ZBTB7A: variants seen among roughly 807,000 people sequenced by gnomAD.
The protein encoded by ZBTB7A is zinc finger and BTB domain-containing protein 7A.
A neutral mutation model predicts 26.7 loss-of-function variants in ZBTB7A; 7 were observed. The observed-to-expected ratio is 0.26, with a 90% CI of 0.15 to 0.49. The LOEUF is 0.49. Ranked by LOEUF, ZBTB7A falls within the 20% of genes least tolerant of loss-of-function variation. ZBTB7A has a pLI of 0.98. For missense variants in ZBTB7A, 617 were observed against 919.5 expected (o/e 0.67, Z 4.25); for synonymous variants, 452 against 441.0 (o/e 1.02, Z -0.31).
rs1367410240 is a variant in ZBTB7A at position 4,048,772 on chromosome 19, G to T, written c.1263-528C>A. ...GAAGGCTGAGGCAGGAGGATCACTT[G>T]TATCTGGGAGGTGGAGGTTGCAGTG... On this transcript the variant is annotated intron_variant, in intron 2 of 2. Transcript: ENST00000322357. The surrounding 1 kb of genome is among the most constrained non-coding windows in gnomAD (Gnocchi z 6.7). Among the ~76,000 whole-genome samples the T allele has an allele frequency of 1.3e-5, 2 of 151,894 alleles. No homozygotes were observed.
rs751255872 is a variant in ZBTB7A at position 4,063,035 on chromosome 19, C to G, written c.-16+3647G>C. On this transcript the variant is annotated intron_variant, in intron 1 of 2. Coordinates refer to ENST00000322357, the MANE Select transcript of ZBTB7A (RefSeq NM_015898.4). ...GGCTCACCCCCACCCAAGCTCGTTC[C>G]TCTTGTCCTTGTTGCCCAGGGCTAC... is the stretch of plus-strand genomic sequence containing the variant. 3.7e-4 allele frequency among the ~76,000 whole-genome samples: 57 copies of G among 152,282 alleles called. 1 individual carries two copies. Among genetic ancestry groups the G allele is most frequent in the Admixed American group, 1.6e-3 (24 of 15,306 alleles).
intron 1 of ZBTB7A, among the ~76,000 whole-genome samples, chr19:4,063,297 A>G (rs951838969): frequency 2.0e-5 from 3 of 152,228 alleles, no homozygotes; most frequent in African/African-American, 7.2e-5. Flanking sequence ...CCAAGGTCGC[A>G]GAGCAAGCGT....
At chr19:4,060,015 G>A (rs1375603558) in intron 1 of ZBTB7A, among the ~76,000 whole-genome samples, 3 of 151,732 alleles carry the variant, frequency 2.0e-5, no homozygotes, top group Non-Finnish European at 2.9e-5. Flanking sequence ...CACCCCTGCC[G>A]GCCAGGGTCC....
In ZBTB7A at chr19:4,047,976, T is replaced by G; in HGVS notation, c.1531A>C (p.Ser511Arg). 1.6e-6 allele frequency: 2 copies of G among 1,242,810 alleles called. No homozygotes were observed. Among genetic ancestry groups the G allele is most frequent in the Middle Eastern group, 3.1e-4 (1 of 3,264 alleles). The allele number at this position is 1,242,810 out of a possible 1,614,324, so 77.0% of individuals were successfully genotyped here. The part of the protein sequence containing the change: ...PRVRGGAPDP[S>R]PGATATPGAP... Reference sequence around the variant, plus strand: ...CCGGGGGTCGCGGTGGCCCCCGGGCTGGGGTCGGGCGCCCCGCCCCGGACG... The same window carrying G: ...CCGGGGGTCGCGGTGGCCCCCGGGCGGGGGTCGGGCGCCCCGCCCCGGACG... The change falls in exon 3 of 3, where the codon AGC (serine) becomes CGC (arginine). Residue 511 changes from serine to arginine, a missense_variant. Physicochemically the swap from Ser to Arg is moderately radical, Grantham distance 110. Coordinates refer to ENST00000322357, the MANE Select transcript of ZBTB7A (RefSeq NM_015898.4).
In ZBTB7A at chr19:4,046,193, G is replaced by C; in HGVS notation, c.*1559C>G. ...AGGGGGAGCGGGGGGAACACAGCAC[G>C]AACACCCCACAGTCCTGCCTTCGAG... On this transcript the variant is annotated 3_prime_UTR_variant, in exon 3 of 3. Coordinates refer to ENST00000322357, the MANE Select transcript of ZBTB7A (RefSeq NM_015898.4). The C allele has an allele frequency of 2.5e-6, 1 of 397,512 alleles. No individual in the cohort carries two copies. The highest frequency in any genetic ancestry group is 4.4e-6 in the Non-Finnish European group (1 of 225,644). 24.6% of individuals were successfully genotyped at this position (397,512 alleles called of 1,614,324 possible).
chr19:4,055,127 C>T lies in ZBTB7A; in HGVS notation c.106G>A (p.Val36Met). Residue 36 changes from valine to methionine, a missense_variant, in exon 2 of 3, where the codon GTG becomes ATG. By Grantham distance (21) the Val-to-Met change is conservative. Coordinates refer to ENST00000322357, the MANE Select transcript of ZBTB7A (RefSeq NM_015898.4). ...TCGCGGCCCTCCACCAGGATCACCACGTCGCACAGCAGGCCCTGCGTCCGC... is the reference window on the plus strand; with the variant it reads ...TCGCGGCCCTCCACCAGGATCACCATGTCGCACAGCAGGCCCTGCGTCCGC... ...EQRTQGLLCDVVILVEGREFP... is the reference protein window; with the variant it reads ...EQRTQGLLCDMVILVEGREFP... 1 of 1,609,556 alleles carries T rather than the reference C, an allele frequency of 6.2e-7. No homozygotes were observed. Among genetic ancestry groups the T allele is most frequent in the Non-Finnish European group, 8.5e-7 (1 of 1,179,652 alleles).
intron 1 of ZBTB7A, among the ~76,000 whole-genome samples, chr19:4,061,019 CCT>C (rs1326258151): frequency 1.3e-5 from 2 of 152,202 alleles, no homozygotes; most frequent in Non-Finnish European, 2.9e-5. Flanking sequence ...CCTCTCTGAG[CCT>C]CTGTCTCCTG....
chr19:4,059,547 CG>C (rs2040618229), intron 1 of ZBTB7A, among the ~76,000 whole-genome samples: 2 of 152,130 alleles, frequency 1.3e-5, no homozygotes, highest in Non-Finnish European at 2.9e-5. Flanking sequence ...ATGAGAATGC[CG>C]GGGCCCAGAG....
In ZBTB7A at chr19:4,052,512, T is replaced by C. The variant is rs1200843336; in HGVS notation, c.1262+1459A>G. 2.6e-5 allele frequency among the ~76,000 whole-genome samples: 4 copies of C among 151,058 alleles called. No individual in the cohort carries two copies. The highest frequency in any genetic ancestry group is 1.5e-5 in the Non-Finnish European group (1 of 67,714). On this transcript the variant is annotated intron_variant, in intron 2 of 2. Transcript: ENST00000322357. The surrounding 1 kb of genome is among the most constrained non-coding windows in gnomAD (Gnocchi z 4.9). ...CCTGCTGGGGAGGGGGCCGGGGTGC[T>C]GGGGAGGGGTCAGTCCCAGTTCCTG...
chr19:4,065,934 C>A (rs1399568334), intron 1 of ZBTB7A, among the ~76,000 whole-genome samples: 2 of 143,566 alleles, frequency 1.4e-5, no homozygotes, highest in African/African-American at 5.0e-5. Context: ...GCCCCCGCGC[C>A]GCGCCGCGCG....
rs201187241 is a variant in ZBTB7A at position 4,045,775 on chromosome 19, C to T, written c.*1977G>A. On this transcript the variant is annotated 3_prime_UTR_variant, in exon 3 of 3. Transcript: ENST00000322357. This position sits in a 1 kb window ranked among gnomAD's most constrained non-coding sequence, Gnocchi z 4.1. Reference sequence around the variant, plus strand: ...TCTGGCGACATAGTCTCCCCAACCCCGGCCCCTGTCCGTGGCCTGTGGCTC... The same window carrying T: ...TCTGGCGACATAGTCTCCCCAACCCTGGCCCCTGTCCGTGGCCTGTGGCTC... 7 of 397,810 alleles carry T rather than the reference C, an allele frequency of 1.8e-5. No homozygotes were observed. The highest frequency in any genetic ancestry group is 8.2e-5 in the African/African-American group (4 of 48,724). 24.6% of individuals were successfully genotyped at this position (397,810 alleles called of 1,614,324 possible). A position where few individuals can be genotyped will look rare whatever the true frequency, so the allele number is the denominator to read the frequency against.
intron 2 of ZBTB7A, among the ~76,000 whole-genome samples, chr19:4,049,528 C>G (rs2065797644): frequency 6.6e-6 from 1 of 152,078 alleles, no homozygotes; most frequent in African/African-American, 2.4e-5. Context: ...GACAGGCAAA[C>G]ATCCCTGCCC....
rs1032855871 is a variant in ZBTB7A at position 4,046,561 on chromosome 19, GTGGT to G, written c.*1187_*1190del. 1 of 145,544 alleles carries G rather than the reference GTGGT, an allele frequency of 6.9e-6. No individual in the cohort carries two copies. The highest frequency in any genetic ancestry group is 1.5e-5 in the Non-Finnish European group (1 of 67,000). The allele number at this position is 145,544 out of a possible 1,614,324, so 9.0% of individuals were successfully genotyped here. On this transcript the variant is annotated 3_prime_UTR_variant, in exon 3 of 3. Coordinates refer to ENST00000322357, the MANE Select transcript of ZBTB7A (RefSeq NM_015898.4). ...GTTACAAAGTGCCAAGACTTCTAAT[GTGGT>G]TGGTTGCCTTTTTTTTTTTCCTTCC...
In ZBTB7A at chr19:4,044,823, T is replaced by C. The variant is rs1396270680; in HGVS notation, c.*2929A>G. The C allele has an allele frequency of 6.9e-6, 1 of 144,322 alleles. No individual in the cohort carries two copies. Among genetic ancestry groups the C allele is most frequent in the Non-Finnish European group, 1.5e-5 (1 of 67,582 alleles). 8.9% of individuals were successfully genotyped at this position (144,322 alleles called of 1,614,324 possible). On this transcript the variant is annotated 3_prime_UTR_variant, in exon 3 of 3. Coordinates refer to ENST00000322357, the MANE Select transcript of ZBTB7A (RefSeq NM_015898.4). ...TCAACACGACCCTCCTCAAATATCA[T>C]TTTTTTTTGTTTGTTTGTTTCCTGA...
Position 4,043,622 on chromosome 19 carries a change from G to C in ZBTB7A, c.*4130C>G, listed in dbSNP as rs1279182605. 6.6e-6 allele frequency among the ~76,000 whole-genome samples: 1 copy of C among 151,150 alleles called. No homozygotes were observed. The highest frequency in any genetic ancestry group is 2.0e-4 in the East Asian group (1 of 5,088). Reference sequence around the variant, plus strand: ...CTCGATTCTGGGCCTGGGGTGGGGTGGGGGGCGGGACCTGGGCATCGGATC... The same window carrying C: ...CTCGATTCTGGGCCTGGGGTGGGGTCGGGGGCGGGACCTGGGCATCGGATC... On this transcript the variant is annotated 3_prime_UTR_variant, in exon 3 of 3. Coordinates refer to ENST00000322357, the MANE Select transcript of ZBTB7A (RefSeq NM_015898.4).
At chr19:4,057,775 C>A in intron 1 of ZBTB7A, among the ~76,000 whole-genome samples, 1 of 133,928 alleles carries the variant, frequency 7.5e-6, no homozygotes, top group African/African-American at 3.1e-5. Context: ...GAGCGAGACT[C>A]GTCTCCAAAA....
At chr19:4,065,178 C>A (rs993687093) in intron 1 of ZBTB7A, among the ~76,000 whole-genome samples, 2 of 151,690 alleles carry the variant, frequency 1.3e-5, no homozygotes, top group African/African-American at 2.4e-5. Context: ...GGGGTCCGGG[C>A]CAGAGGAGAC....
At position 4,055,014 on chromosome 19, in the gene ZBTB7A, G is replaced by A. The variant is rs745383445; in HGVS notation, c.219C>T (p.Asn73=). ...FTSGAVVDQQ[N]VYEIDFVSAE... ...CGCTGACGAAGTCGATCTCGTACACGTTCTGCTGGTCCACCACGGCGCCCG... is the reference window on the plus strand; with the variant it reads ...CGCTGACGAAGTCGATCTCGTACACATTCTGCTGGTCCACCACGGCGCCCG... Residue 73 remains asparagine, a synonymous_variant, in exon 2 of 3, where the codon AAC becomes AAT. Coordinates refer to ENST00000322357, the MANE Select transcript of ZBTB7A (RefSeq NM_015898.4). The A allele has an allele frequency of 1.2e-6, 2 of 1,611,068 alleles. No homozygotes were observed. The highest frequency in any genetic ancestry group is 1.7e-6 in the Non-Finnish European group (2 of 1,179,068).
rs374945861 is a variant in ZBTB7A, at chr19:4,050,348, AC to A, written c.1263-2105del. Among the ~76,000 whole-genome samples, 942 of 152,304 alleles carry A rather than the reference AC, an allele frequency of 6.2e-3. 11 individuals carry two copies. Among genetic ancestry groups the A allele is most frequent in the African/African-American group, 0.022 (906 of 41,564 alleles). On this transcript the variant is annotated intron_variant, in intron 2 of 2. Coordinates refer to ENST00000322357, the MANE Select transcript of ZBTB7A (RefSeq NM_015898.4). Reference sequence around the variant, plus strand: ...AGTGCTGGGATTACAGGCGTGAGCCACCGCGCCCGGCCGGTCTCTCTTGTTT... The same window carrying A: ...AGTGCTGGGATTACAGGCGTGAGCCACGCGCCCGGCCGGTCTCTCTTGTTT...
Sources: allele counts gnomAD v4.1 joint callset (sites outside exome capture counted in the v4.1 genomes callset), GRCh38; gene constraint gnomAD v4.1.1; non-coding constraint Gnocchi (gnomAD v3.1); transcripts MANE v1.5; gene names NCBI Gene and HGNC (gene_info 2026-07-23, HGNC 2026-07-21).